ZNF354B: variants seen among roughly 807,000 people sequenced by gnomAD.
ZNF354B encodes zinc finger protein 354B.
A neutral mutation model predicts 12.9 loss-of-function variants in ZNF354B; 10 were observed. That is an observed-to-expected ratio of 0.77 (90% CI 0.48 to 1.31). The LOEUF is 1.31. Ranked by LOEUF, ZNF354B falls within the 40% of genes most tolerant of loss-of-function variation. The probability of loss-of-function intolerance (pLI) is 0.00; values close to 1 mark genes in which losing one functional copy is unlikely to be tolerated. For missense variants in ZNF354B, 614 were observed against 711.7 expected (o/e 0.86, Z 1.56); for synonymous variants, 260 against 243.7 (o/e 1.07, Z -0.62).
intron 4 of ZNF354B, among the ~76,000 whole-genome samples, chr5:178,874,599 T>G (rs945026755): frequency 2.6e-5 from 4 of 152,224 alleles, no homozygotes; most frequent in Admixed American, 6.5e-5. Context: ...AGTTTGGTTC[T>G]TTCTTATCAT....
Position 178,866,367 on chromosome 5 carries a change from C to T in ZNF354B, c.157C>T (p.Leu53=). 1 of 1,611,202 alleles carries T rather than the reference C, an allele frequency of 6.2e-7. No homozygotes were observed. Among genetic ancestry groups the T allele is most frequent in the Non-Finnish European group, 8.5e-7 (1 of 1,178,930 alleles). The change falls in exon 3 of 5, where the codon CTG becomes TTG. Residue 53 remains leucine, a synonymous_variant. Transcript: ENST00000322434. ...MLENYRNLVS[L]GLSFTKPKVI... ...GGAGAACTATAGGAACCTGGTCTCACTGGGTAAGGAAATTTCCCCTCTAGA... is the reference window on the plus strand; with the variant it reads ...GGAGAACTATAGGAACCTGGTCTCATTGGGTAAGGAAATTTCCCCTCTAGA...
intron 2 of ZNF354B, among the ~76,000 whole-genome samples, chr5:178,865,861 T>C (rs1474129365): frequency 6.6e-6 from 1 of 152,142 alleles, no homozygotes. Context: ...TTTTTTTTGC[T>C]ACTAACACCA....
chr5:178,871,648 G>A (rs1407780879), intron 4 of ZNF354B, among the ~76,000 whole-genome samples: 1 of 152,198 alleles, frequency 6.6e-6, no homozygotes, highest in Non-Finnish European at 1.5e-5. Context: ...ATGAATGCAC[G>A]AGTGACTTGG....
chr5:178,881,313 A>G (rs1367343979), intron 4 of ZNF354B, among the ~76,000 whole-genome samples: 1 of 152,114 alleles, frequency 6.6e-6, no homozygotes, highest in African/African-American at 2.4e-5. Flanking sequence ...ATGCTGCTAA[A>G]CATTCCACAA....
At chr5:178,880,263 G>A (rs1263163700) in intron 4 of ZNF354B, among the ~76,000 whole-genome samples, 1 of 149,814 alleles carries the variant, frequency 6.7e-6, no homozygotes, top group Non-Finnish European at 1.5e-5. Flanking sequence ...GCAGTGGCAC[G>A]ATCTTGGCTC....
At chr5:178,875,427 G>C (rs1326991143) in intron 4 of ZNF354B, among the ~76,000 whole-genome samples, 1 of 152,062 alleles carries the variant, frequency 6.6e-6, no homozygotes, top group African/African-American at 2.4e-5. Flanking sequence ...GGAGCAGGAG[G>C]AGCTGGCAGG....
At chr5:178,868,216 G>A (rs947224338) in intron 4 of ZNF354B, among the ~76,000 whole-genome samples, 10 of 150,506 alleles carry the variant, frequency 6.6e-5, no homozygotes, top group Admixed American at 4.0e-4. Flanking sequence ...TCAGCATGAC[G>A]GGCATTAGAA....
intron 4 of ZNF354B, among the ~76,000 whole-genome samples, chr5:178,869,611 G>GT (rs1757529798): frequency 6.6e-6 from 1 of 152,158 alleles, no homozygotes; most frequent in Non-Finnish European, 1.5e-5. Flanking sequence ...CTAGAGAGAA[G>GT]TATTAACAGG....
At chr5:178,878,682 G>A (rs1225828187) in intron 4 of ZNF354B, among the ~76,000 whole-genome samples, 1 of 152,082 alleles carries the variant, frequency 6.6e-6, no homozygotes, top group Non-Finnish European at 1.5e-5. Context: ...TTTCCACTTG[G>A]AGGTTTTTTT....
rs1446019831 is a variant in ZNF354B, at chr5:178,874,397, TC to T, written c.256+7327del. Among the ~76,000 whole-genome samples the T allele has an allele frequency of 2.0e-5, 3 of 152,246 alleles. No individual in the cohort carries two copies. The East Asian group carries it at 5.8e-4, about 29-fold the overall frequency. ...ATGGCAATGAGTCGTAGATTTTGTC[TC>T]TTTACATAATCCCTTATTTCTCAGG... is the stretch of plus-strand genomic sequence containing the variant. On this transcript the variant is annotated intron_variant, in intron 4 of 4. Coordinates refer to ENST00000322434, the MANE Select transcript of ZNF354B (RefSeq NM_058230.3).
intron 4 of ZNF354B, among the ~76,000 whole-genome samples, chr5:178,878,122 G>T (rs200159520): frequency 6.6e-6 from 1 of 152,084 alleles, no homozygotes; most frequent in African/African-American, 2.4e-5. Flanking sequence ...GGTGGCTCAC[G>T]CCTGTAATCC....
intron 2 of ZNF354B, among the ~76,000 whole-genome samples, chr5:178,865,549 G>T (rs10039708): frequency 0.014 from 2,199 of 152,180 alleles, 60 homozygotes; most frequent in African/African-American, 0.05. Flanking sequence ...TTACAGGCAT[G>T]AGTCACTGCA....
In ZNF354B at chr5:178,884,222, G is replaced by A. The variant is rs1291359479; in HGVS notation, c.1770G>A (p.Arg590=). 6.2e-7 allele frequency: 1 copy of A among 1,613,308 alleles called. No individual in the cohort carries two copies. The highest frequency in any genetic ancestry group is 2.2e-5 in the East Asian group (1 of 44,860). The change falls in exon 5 of 5, where the codon AGG becomes AGA. Residue 590 remains arginine (R), a synonymous_variant. Coordinates refer to ENST00000322434, the MANE Select transcript of ZNF354B (RefSeq NM_058230.3). ...CATGTGGGAAACTCTTTAGCCAGAG[G>A]TCATCCCTTACTAATCATTATAAAA... ...CNACGKLFSQ[R]SSLTNHYKIH... is the part of the protein sequence containing the mutation.
chr5:178,869,946 T>C (rs1757536767), intron 4 of ZNF354B, among the ~76,000 whole-genome samples: 1 of 152,102 alleles, frequency 6.6e-6, no homozygotes, highest in Non-Finnish European at 1.5e-5. Flanking sequence ...GCTCACTTCA[T>C]TGAGAGCGTG....
At chr5:178,865,387 C>T (rs1453566876) in intron 2 of ZNF354B, among the ~76,000 whole-genome samples, 1 of 152,140 alleles carries the variant, frequency 6.6e-6, no homozygotes, top group African/African-American at 2.4e-5. Context: ...CCTGCCTCAG[C>T]CTCCTGAGTA....
chr5:178,882,219 A>C (rs1189166550), intron 4 of ZNF354B, among the ~76,000 whole-genome samples: 1 of 152,190 alleles, frequency 6.6e-6, no homozygotes, highest in East Asian at 1.9e-4. Context: ...AAATGCATTT[A>C]ATGTACTATA....
chr5:178,876,240 G>A (rs576112025), intron 4 of ZNF354B, among the ~76,000 whole-genome samples: 1 of 152,332 alleles, frequency 6.6e-6, no homozygotes, highest in Non-Finnish European at 1.5e-5. Flanking sequence ...AGGTCGGGAG[G>A]CCCTGTCCAG....
intron 4 of ZNF354B, among the ~76,000 whole-genome samples, chr5:178,869,077 G>A (rs907538219): frequency 3.9e-5 from 6 of 152,214 alleles, no homozygotes; most frequent in Non-Finnish European, 8.8e-5. Context: ...TTGTCATAGA[G>A]TTTGGTTGGT....
At chr5:178,864,285 T>C (rs1203563864) in intron 2 of ZNF354B, among the ~76,000 whole-genome samples, 1 of 152,206 alleles carries the variant, frequency 6.6e-6, no homozygotes, top group Non-Finnish European at 1.5e-5. Context: ...TATATTTACA[T>C]GCACAGACAC....
Sources: allele counts gnomAD v4.1 joint callset (sites outside exome capture counted in the v4.1 genomes callset), GRCh38; gene constraint gnomAD v4.1.1; transcripts MANE v1.5; gene names NCBI Gene and HGNC (gene_info 2026-07-23, HGNC 2026-07-21).